The following ANKFN1 variants were observed in gnomAD, a reference collection of about 807,000 sequenced individuals.
ANKFN1 encodes ankyrin repeat and fibronectin type III domain containing 1, also known as ankyrin repeat and fibronectin type-III domain-containing protein 1.
In ANKFN1, 74 loss-of-function variants were observed where a neutral mutation model predicts 108.7. The ratio of observed to expected loss-of-function variants is 0.68; its 90% CI spans 0.56 to 0.83. ANKFN1 has a LOEUF of 0.83. Among genes scored for constraint, ANKFN1 ranks in the 40% least tolerant of loss-of-function variants. ANKFN1 has a pLI of 0.00. For synonymous variants in ANKFN1, 547 were observed against 516.2 expected (o/e 1.06, Z -0.81); for missense variants, 1,505 against 1,382.3 (o/e 1.09, Z -1.41).
chr17:56,104,229 C>T (rs1905700399), intron 4 of ANKFN1, among the ~76,000 whole-genome samples: 3 of 152,330 alleles, frequency 2.0e-5, no homozygotes, highest in African/African-American at 4.8e-5. Flanking sequence ...ACCTGGGAAA[C>T]ATTTCTCAAA....
chr17:56,381,399 G>A (rs1056344689), intron 8 of ANKFN1, among the ~76,000 whole-genome samples: 3 of 152,172 alleles, frequency 2.0e-5, no homozygotes, highest in African/African-American at 7.2e-5. Context: ...TCCAAAGAAC[G>A]CAGTTCCTCA....
chr17:56,229,095 A>C (rs938091945), intron 3 of ANKFN1, among the ~76,000 whole-genome samples: 2 of 152,152 alleles, frequency 1.3e-5, no homozygotes, highest in African/African-American at 4.8e-5. Context: ...ACTGCTGTAC[A>C]TCAAATACTC....
chr17:56,250,228 T>C (rs1661151640), intron 3 of ANKFN1, among the ~76,000 whole-genome samples: 1 of 152,224 alleles, frequency 6.6e-6, no homozygotes. Flanking sequence ...TACACCTATT[T>C]AAAACATTCC....
intron 17 of ANKFN1, among the ~76,000 whole-genome samples, chr17:56,481,247 A>C (rs927492295): frequency 6.6e-6 from 1 of 152,280 alleles, no homozygotes. Flanking sequence ...AATCTACAGC[A>C]ATGTCCCAAG....
chr17:56,139,937 A>C (rs965524710), intron 4 of ANKFN1, among the ~76,000 whole-genome samples: 1 of 152,220 alleles, frequency 6.6e-6, no homozygotes, highest in Non-Finnish European at 1.5e-5. Flanking sequence ...AACAAAGTTC[A>C]GTCCTTAACC....
intron 4 of ANKFN1, among the ~76,000 whole-genome samples, chr17:56,058,291 A>G (rs529756029): frequency 1.6e-4 from 25 of 152,342 alleles, no homozygotes; most frequent in African/African-American, 5.8e-4. Flanking sequence ...TTTCATCTGC[A>G]TGGAAAATCT....
intron 4 of ANKFN1, among the ~76,000 whole-genome samples, chr17:56,330,913 C>T (rs1396086744): frequency 2.6e-5 from 4 of 152,144 alleles, no homozygotes; most frequent in African/African-American, 9.7e-5. Flanking sequence ...CTTTTCAAAA[C>T]TTATCACTTA....
rs746219222 is a variant in ANKFN1, at chr17:56,210,657, T to G, written c.-70-1941T>G. Among the ~76,000 whole-genome samples, 6 of 152,332 alleles carry G rather than the reference T, an allele frequency of 3.9e-5. No individual in the cohort carries two copies. The East Asian group carries it at 1.2e-3, about 29-fold the overall frequency. ...ATTCTCATGCTGCTATGAAGAAATA[T>G]CTGAGATTAGGTAATTTATAAAGAA... On this transcript the variant is annotated intron_variant, in intron 1 of 20. Coordinates refer to ENST00000682825, the MANE Select transcript of ANKFN1 (RefSeq NM_001370326.1).
chr17:56,349,234 C>T (rs1181050464), intron 4 of ANKFN1, among the ~76,000 whole-genome samples: 5 of 151,840 alleles, frequency 3.3e-5, no homozygotes, highest in Admixed American at 6.6e-5. Flanking sequence ...TCAGTGAGTG[C>T]GGGCTGGGAA....
intron 8 of ANKFN1, among the ~76,000 whole-genome samples, chr17:56,426,790 C>T (rs1194951035): frequency 6.6e-6 from 1 of 152,152 alleles, no homozygotes; most frequent in African/African-American, 2.4e-5. Context: ...TTGAGAATCC[C>T]CCAAAAAAGA....
At chr17:56,075,057 A>G (rs1051546485) in intron 4 of ANKFN1, among the ~76,000 whole-genome samples, 2 of 152,204 alleles carry the variant, frequency 1.3e-5, no homozygotes, top group African/African-American at 4.8e-5. Context: ...GAACTTACTC[A>G]AGGTCATTAA....
intron 4 of ANKFN1, among the ~76,000 whole-genome samples, chr17:56,050,966 C>A (rs1201502335): frequency 1.5e-5 from 2 of 135,140 alleles, no homozygotes; most frequent in East Asian, 4.3e-4. Context: ...CAGATGGATT[C>A]ACAGCCGAAT....
Position 56,140,878 on chromosome 17 carries a change from G to A in ANKFN1, c.289-87039G>A, listed in dbSNP as rs143262936. Among the ~76,000 whole-genome samples, 5 of 152,012 alleles carry A rather than the reference G, an allele frequency of 3.3e-5. No homozygotes were observed. The East Asian group carries it at 7.7e-4, about 24-fold the overall frequency. The stretch of plus-strand genomic sequence containing the variant: ...CCTCCATTTATTAAATTATGTTGTC[G>A]CTTACACTCCCAAGTAGGACATCTG... On this transcript the variant is annotated intron_variant, in intron 4 of 12. Coordinates refer to the ANKFN1 transcript ENST00000635860.
At chr17:56,393,408 C>T (rs1182021464) in intron 8 of ANKFN1, among the ~76,000 whole-genome samples, 3 of 152,208 alleles carry the variant, frequency 2.0e-5, no homozygotes, top group Non-Finnish European at 2.9e-5. Context: ...CTCTGTAACA[C>T]TTCAGTGGCC....
chr17:56,264,750 T>C (rs1598324282), intron 3 of ANKFN1, among the ~76,000 whole-genome samples: 1 of 152,330 alleles, frequency 6.6e-6, no homozygotes, highest in Middle Eastern at 3.4e-3. Flanking sequence ...CTACTTGGGC[T>C]TCAGTTTTCT....
intron 4 of ANKFN1, among the ~76,000 whole-genome samples, chr17:56,087,525 T>G (rs888333258): frequency 1.3e-5 from 2 of 150,576 alleles, no homozygotes; most frequent in Non-Finnish European, 1.5e-5. Context: ...TCAACGCCAG[T>G]GGACTCCCCT....
At chr17:56,326,845 A>G (rs1223270467) in intron 4 of ANKFN1, among the ~76,000 whole-genome samples, 1 of 152,192 alleles carries the variant, frequency 6.6e-6, no homozygotes, top group African/African-American at 2.4e-5. Context: ...GCAGAGTGGA[A>G]TGCCAGCACT....
At chr17:56,321,192 A>G (rs2045356594) in intron 3 of ANKFN1, among the ~76,000 whole-genome samples, 1 of 152,098 alleles carries the variant, frequency 6.6e-6, no homozygotes, top group Admixed American at 6.6e-5. Context: ...ATTACTAACA[A>G]CTTCGCACAT....
At chr17:56,220,434 A>G (rs1369489235) in intron 2 of ANKFN1, among the ~76,000 whole-genome samples, 2 of 152,202 alleles carry the variant, frequency 1.3e-5, no homozygotes, top group Non-Finnish European at 2.9e-5. Context: ...TGGCAGGTGG[A>G]TGGCTTGAAT....
Sources: gnomAD v4.1 joint callset for allele counts (sites outside exome capture counted in the v4.1 genomes callset) on GRCh38, gnomAD v4.1.1 for gene constraint, MANE v1.5 for transcripts, NCBI Gene and HGNC (gene_info 2026-07-23, HGNC 2026-07-21) for gene names.